The following CBX7 variants were observed in gnomAD, a reference collection of about 807,000 sequenced individuals.
CBX7 encodes the protein chromobox 7.
A neutral mutation model predicts 31.4 loss-of-function variants in CBX7; 14 were observed. The observed-to-expected ratio is 0.45, with a 90% CI of 0.29 to 0.70. CBX7 has a LOEUF of 0.70. Among genes scored for constraint, CBX7 ranks in the 30% least tolerant of loss-of-function variants. CBX7 has a pLI of 0.11. For synonymous variants in CBX7, 159 were observed against 152.6 expected, an observed-to-expected ratio of 1.04 and a Z score of -0.31; for missense variants, 269 against 351.9, an observed-to-expected ratio of 0.76 and a Z score of 1.89.
Position 39,134,025 on chromosome 22 carries a change from G to A in CBX7, c.622C>T (p.Pro208Ser), listed in dbSNP as rs761067591. 1 of 1,605,084 alleles carries A rather than the reference G, an allele frequency of 6.2e-7. No individual in the cohort carries two copies. Among genetic ancestry groups the A allele is most frequent in the East Asian group, 2.2e-5 (1 of 44,504 alleles). ...EEADADLAEG[P>S]PPWTPALPSS... ...GGGAGCGCAGGTGTCCAGGGAGGGGGCCCCTCGGCCAGGTCGGCATCTGCT... is the reference window on the plus strand; with the variant it reads ...GGGAGCGCAGGTGTCCAGGGAGGGGACCCCTCGGCCAGGTCGGCATCTGCT... Residue 208 changes from proline (P) to serine (S), a missense_variant, in exon 6 of 6, where the codon CCC (proline) becomes TCC (serine). Pro to Ser is a moderately conservative substitution (Grantham distance 74). This residue lies in a region of CBX7 where 222 missense variants were observed against 240.4 expected (regional missense o/e 0.92). Coordinates refer to ENST00000216133, the MANE Select transcript of CBX7 (RefSeq NM_175709.5).
In CBX7 at chr22:39,137,493, T is replaced by C. The variant is rs190666046; in HGVS notation, c.246+1143A>G. On this transcript the variant is annotated intron_variant, in intron 4 of 5. Transcript: ENST00000216133. ...CCCCCTGAGTAGCTGGGATTACAGGTGCCCGCCACCATCCCCAGCTAATTT... is the reference window on the plus strand; with the variant it reads ...CCCCCTGAGTAGCTGGGATTACAGGCGCCCGCCACCATCCCCAGCTAATTT... 1.1e-3 allele frequency among the ~76,000 whole-genome samples: 173 copies of C among 152,092 alleles called. 1 individual carries two copies. The highest frequency in any genetic ancestry group is 1.8e-3 in the Admixed American group (28 of 15,266).
chr22:39,144,585 C>T (rs1031588651), intron 2 of CBX7, among the ~76,000 whole-genome samples: 8 of 152,222 alleles, frequency 5.3e-5, no homozygotes, highest in African/African-American at 1.9e-4. Context: ...CAGCAGAAGC[C>T]ACGAGAGGCT....
intron 2 of CBX7, among the ~76,000 whole-genome samples, chr22:39,142,196 TGATGA>T (rs918737907): frequency 2.0e-5 from 3 of 152,200 alleles, no homozygotes; most frequent in Admixed American, 1.3e-4. Flanking sequence ...ACTCTTGTGC[TGATGA>T]GATGTGTATT....
At chr22:39,144,309 C>G (rs1930565098) in intron 2 of CBX7, among the ~76,000 whole-genome samples, 1 of 152,214 alleles carries the variant, frequency 6.6e-6, no homozygotes, top group Non-Finnish European at 1.5e-5. Flanking sequence ...TTTGGGTGCC[C>G]CATCCCTCCA....
intron 2 of CBX7, among the ~76,000 whole-genome samples, chr22:39,144,149 A>G (rs1252134223): frequency 6.6e-6 from 1 of 152,130 alleles, no homozygotes; most frequent in Non-Finnish European, 1.5e-5. Flanking sequence ...TCAGTCCCAA[A>G]ATGCTGCCCA....
intron 2 of CBX7, 41 bp from the exon 3 acceptor site, chr22:39,141,477 G>A (rs768494315): frequency 2.7e-5 from 42 of 1,555,376 alleles, no homozygotes; most frequent in East Asian, 6.9e-5. Context: ...GGCTGGGCGC[G>A]GTGGCTCATG....
At chr22:39,134,984 C>T (rs992894883) in intron 4 of CBX7, 23 of 502,312 alleles carry the variant, frequency 4.6e-5, no homozygotes, top group East Asian at 3.8e-4. Context: ...ACAGAGCACT[C>T]GCGTCCCAGC....
At chr22:39,137,229 C>G (rs1930286115) in intron 4 of CBX7, among the ~76,000 whole-genome samples, 1 of 152,132 alleles carries the variant, frequency 6.6e-6, no homozygotes, top group Admixed American at 6.5e-5. Flanking sequence ...GCTGAGCATC[C>G]CCAATCCAAA....
Position 39,133,874 on chromosome 22 carries a change from A to G in CBX7, c.*17T>C. ...AAGCCCAAAAGAAAACAGTTTAAGA[A>G]GAGTAAAAACGGTGATTCAGAACTT... On this transcript the variant is annotated 3_prime_UTR_variant, in exon 6 of 6. Transcript: ENST00000216133. 1 of 1,590,064 alleles carries G rather than the reference A, an allele frequency of 6.3e-7. No individual in the cohort carries two copies. The highest frequency in any genetic ancestry group is 8.6e-7 in the Non-Finnish European group (1 of 1,164,522).
intron 2 of CBX7, among the ~76,000 whole-genome samples, chr22:39,141,908 G>C (rs1459999506): frequency 6.6e-6 from 1 of 152,126 alleles, no homozygotes; most frequent in Non-Finnish European, 1.5e-5. Context: ...GCCTCCTGAG[G>C]GCTCCAGCAA....
At chr22:39,138,487 T>A in intron 4 of CBX7, 149 bp downstream of exon 4, 1 of 745,232 alleles carries the variant, frequency 1.3e-6, no homozygotes, top group Admixed American at 2.0e-5. Context: ...CATCAAAACT[T>A]ACCCAAGTGC....
Position 39,152,297 on chromosome 22 carries a change from G to A in CBX7, c.69+79C>T. The stretch of plus-strand genomic sequence containing the variant: ...CCCCCGCGCCCCGCTTTCCCCTTCA[G>A]CCCCAGCGTGGAGGGAGCGGTGCTG... On this transcript the variant is annotated intron_variant, in intron 1 of 5. Coordinates refer to ENST00000216133, the MANE Select transcript of CBX7 (RefSeq NM_175709.5). The surrounding 1 kb of genome is among the most constrained non-coding windows in gnomAD (Gnocchi z 4.9). The A allele has an allele frequency of 1.0e-6, 1 of 961,680 alleles. No individual in the cohort carries two copies. Among genetic ancestry groups the A allele is most frequent in the South Asian group, 2.8e-5 (1 of 35,298 alleles). The allele number at this position is 961,680 out of a possible 1,614,324, so 59.6% of individuals were successfully genotyped here.
intron 1 of CBX7, among the ~76,000 whole-genome samples, chr22:39,150,603 G>A (rs2146374695): frequency 6.6e-6 from 1 of 152,206 alleles, no homozygotes; most frequent in East Asian, 1.9e-4. Context: ...TGAGACCCCT[G>A]TCTCTGAAAA....
At chr22:39,136,654 C>T (rs1242536393) in intron 4 of CBX7, 1 of 152,406 alleles carries the variant, frequency 6.6e-6, no homozygotes, top group Non-Finnish European at 1.5e-5. Context: ...ACTAGAACCA[C>T]TGAAGAACCA....
At position 39,134,680 on chromosome 22, in the gene CBX7, AC is replaced by A; in HGVS notation, c.318del (p.Cys107AlafsTer114). ...TCAGGGCTCCCGCTGCCGAGTGGGC[AC>A]GTCAGGGAGAAGCAGAGCTTCTCCT... ...KGKEKLCFSL[T>X]CPLGSGSPEG... is the part of the protein sequence containing the mutation. On this transcript the variant is annotated frameshift_variant, in exon 5 of 6. Coordinates refer to ENST00000216133, the MANE Select transcript of CBX7 (RefSeq NM_175709.5). LOFTEE classifies it high-confidence loss of function. 1 of 1,586,540 alleles carries A rather than the reference AC, an allele frequency of 6.3e-7. No homozygotes were observed.
intron 2 of CBX7, among the ~76,000 whole-genome samples, chr22:39,145,748 C>A (rs994984662): frequency 6.7e-6 from 1 of 149,706 alleles, no homozygotes; most frequent in African/African-American, 2.4e-5. Flanking sequence ...GGGACAGGGA[C>A]GGCGCGCGCC....
chr22:39,138,161 C>T (rs894891842), intron 4 of CBX7, among the ~76,000 whole-genome samples: 4 of 140,338 alleles, frequency 2.9e-5, no homozygotes, highest in Non-Finnish European at 4.5e-5. Flanking sequence ...CCAGCCTGAG[C>T]GACAGAGCGA....
At chr22:39,142,993 T>C (rs762515841) in intron 2 of CBX7, among the ~76,000 whole-genome samples, 4 of 152,220 alleles carry the variant, frequency 2.6e-5, no homozygotes, top group Admixed American at 6.5e-5. Context: ...CTGGGCACAG[T>C]GGCTCACGCC....
At chr22:39,138,008 C>T (rs894049146) in intron 4 of CBX7, among the ~76,000 whole-genome samples, 3 of 151,964 alleles carry the variant, frequency 2.0e-5, no homozygotes, top group African/African-American at 7.2e-5. Flanking sequence ...GGTGAAACCC[C>T]GTCTCTGCTA....
Sources: allele counts gnomAD v4.1 joint callset (sites outside exome capture counted in the v4.1 genomes callset), GRCh38; gene constraint gnomAD v4.1.1; regional missense constraint gnomAD v4.1.1; non-coding constraint Gnocchi (gnomAD v3.1); transcripts MANE v1.5; gene names NCBI Gene and HGNC (gene_info 2026-07-23, HGNC 2026-07-21).